Variants in SGSM2 observed in about 807,000 individuals in gnomAD.
SGSM2 encodes the protein RUN and TBC1 domain containing 1.
In SGSM2, 89 loss-of-function variants were observed where a neutral mutation model predicts 126.6. The ratio of observed to expected loss-of-function variants is 0.70; its 90% CI spans 0.59 to 0.84. The LOEUF (loss-of-function observed/expected upper bound fraction) is 0.84, where lower values mean the gene tolerates loss of function less well. Ranked by LOEUF, SGSM2 falls within the 40% of genes least tolerant of loss-of-function variation. SGSM2 has a pLI of 0.00. For missense variants in SGSM2, 1,404 were observed against 1,416.6 expected (o/e 0.99, Z 0.14); for synonymous variants, 614 against 574.3 (o/e 1.07, Z -0.99).
chr17:2,377,022 G>C lies in SGSM2; in HGVS notation c.2756G>C (p.Gly919Ala), dbSNP rs2066197659. 6.2e-7 allele frequency: 1 copy of C among 1,613,826 alleles called. No individual in the cohort carries two copies. The highest frequency in any genetic ancestry group is 8.5e-7 in the Non-Finnish European group (1 of 1,179,936). Residue 919 changes from glycine (G) to alanine (A), a missense_variant, in exon 21 of 24, where the codon GGG becomes GCG. Transcript: ENST00000268989. ...MKRMSQNFPN[G>A]GAMDTHFANM... ...AGGATGAGCCAGAACTTCCCCAACG[G>C]GGGTGCCATGGACACCCACTTTGCC...
rs1299156831 is a variant in SGSM2, at chr17:2,380,710, C to T, written c.*1190C>T. The T allele has an allele frequency of 7.8e-6, 2 of 257,340 alleles. No individual in the cohort carries two copies. The highest frequency in any genetic ancestry group is 4.7e-5 in the South Asian group (1 of 21,388). 15.9% of individuals were successfully genotyped at this position (257,340 alleles called of 1,614,324 possible). The stretch of plus-strand genomic sequence containing the variant: ...ATGCAGGCTAGGCCTTGCCCTGGAA[C>T]ATGGAGGCCCTGCCCGGGGCTGGGG... On this transcript the variant is annotated 3_prime_UTR_variant, in exon 24 of 24. Coordinates refer to ENST00000268989, the MANE Select transcript of SGSM2 (RefSeq NM_014853.3).
At chr17:2,351,853 T>C (rs2064868552) in intron 2 of SGSM2, among the ~76,000 whole-genome samples, 1 of 152,348 alleles carries the variant, frequency 6.6e-6, no homozygotes, top group African/African-American at 2.4e-5. Context: ...CAGTTGCGAA[T>C]GTTGCTTTCT....
At chr17:2,342,260 A>G (rs1479129690) in intron 1 of SGSM2, among the ~76,000 whole-genome samples, 1 of 148,668 alleles carries the variant, frequency 6.7e-6, no homozygotes, top group Admixed American at 6.7e-5. Context: ...TACTAAAAAT[A>G]CAAAAAAAAA....
chr17:2,364,662 A>C lies in SGSM2; in HGVS notation c.999A>C (p.Gln333His). The change falls in exon 9 of 24, where the codon CAA becomes CAC. Residue 333 changes from glutamine to histidine, a missense_variant and splice_region_variant. Coordinates refer to ENST00000268989, the MANE Select transcript of SGSM2 (RefSeq NM_014853.3). Reference protein sequence around the residue: ...SQVVCIHCHQQKSGGTLVLVS... With the variant: ...SQVVCIHCHQHKSGGTLVLVS... ...TCGTGTGCATCCACTGCCACCAGCA[A>C]AGTAAGCCTGCCTTGTCCTCGGCTC... The C allele has an allele frequency of 6.2e-7, 1 of 1,614,160 alleles. No individual in the cohort carries two copies. The highest frequency in any genetic ancestry group is 8.5e-7 in the Non-Finnish European group (1 of 1,180,016).
intron 2 of SGSM2, among the ~76,000 whole-genome samples, chr17:2,351,372 G>A (rs1458831263): frequency 2.0e-5 from 3 of 152,176 alleles, no homozygotes; most frequent in Non-Finnish European, 2.9e-5. Context: ...CTAGAGGGGC[G>A]GCGGCATTGA....
At position 2,337,973 on chromosome 17, in the gene SGSM2, C is replaced by T. The variant is rs2064158044; in HGVS notation, c.57+228C>T. 2.0e-5 allele frequency among the ~76,000 whole-genome samples: 3 copies of T among 152,134 alleles called. No homozygotes were observed. In the South Asian group the frequency reaches 6.2e-4, roughly 32 times the overall value. ...CTCCCGGCTTGTTTGCTTCGCAGCC[C>T]CGCAGCTCCCCGCCCAGTGACGGCA... On this transcript the variant is annotated intron_variant, in intron 1 of 23. Coordinates refer to ENST00000268989, the MANE Select transcript of SGSM2 (RefSeq NM_014853.3). The surrounding 1 kb of genome is among the most constrained non-coding windows in gnomAD (Gnocchi z 5.1).
intron 2 of SGSM2, among the ~76,000 whole-genome samples, chr17:2,344,505 G>A (rs2064507968): frequency 6.6e-6 from 1 of 152,164 alleles, no homozygotes; most frequent in Non-Finnish European, 1.5e-5. Flanking sequence ...AGATACAGCT[G>A]CCCTTCCCCT....
At chr17:2,342,425 GAAAC>G (rs767402968) in intron 1 of SGSM2, among the ~76,000 whole-genome samples, 10 of 151,512 alleles carry the variant, frequency 6.6e-5, no homozygotes, top group South Asian at 2.1e-4. Context: ...CTCCATTTCA[GAAAC>G]AAACAAACAA....
chr17:2,354,262 A>G (rs2064998551), intron 2 of SGSM2, among the ~76,000 whole-genome samples: 1 of 138,538 alleles, frequency 7.2e-6, no homozygotes, highest in African/African-American at 2.7e-5. Context: ...GTTACCCAGG[A>G]TAGTCTCAAT....
chr17:2,350,447 A>G (rs1327481327), intron 2 of SGSM2, among the ~76,000 whole-genome samples: 1 of 151,074 alleles, frequency 6.6e-6, no homozygotes, highest in Non-Finnish European at 1.5e-5. Context: ...CTGTCTCTAC[A>G]AAAAATACAA....
Position 2,380,298 on chromosome 17 carries a change from G to A in SGSM2, c.*778G>A. On this transcript the variant is annotated 3_prime_UTR_variant, in exon 24 of 24. Coordinates refer to ENST00000268989, the MANE Select transcript of SGSM2 (RefSeq NM_014853.3). ...CTGAAAACCACGTGTAAGAAGTGAT[G>A]CTTTTGCCAGTGGATGATCTGGAAT... 1 of 1,535,928 alleles carries A rather than the reference G, an allele frequency of 6.5e-7. No homozygotes were observed. Among genetic ancestry groups the A allele is most frequent in the Non-Finnish European group, 8.7e-7 (1 of 1,146,870 alleles).
intron 19 of SGSM2, 111 bp downstream of exon 19, chr17:2,376,372 C>G (rs923570383): frequency 1.5e-5 from 21 of 1,427,076 alleles, no homozygotes; most frequent in Non-Finnish European, 1.9e-5. Context: ...CTGAATCACA[C>G]TTGGCTCCCC....
chr17:2,369,488 C>T (rs944631243), intron 12 of SGSM2, among the ~76,000 whole-genome samples: 3 of 152,194 alleles, frequency 2.0e-5, no homozygotes, highest in Non-Finnish European at 4.4e-5. Context: ...AGCAGACCCC[C>T]CTCCCCCCGT....
intron 3 of SGSM2, 117 bp downstream of exon 3, chr17:2,361,916 C>G: frequency 7.3e-7 from 1 of 1,372,896 alleles, no homozygotes; most frequent in Non-Finnish European, 9.8e-7. Flanking sequence ...TGCAGGGCCT[C>G]TGGGTGAGGG....
intron 2 of SGSM2, among the ~76,000 whole-genome samples, chr17:2,348,632 G>A (rs1033583973): frequency 5.3e-5 from 8 of 152,314 alleles, no homozygotes; most frequent in Admixed American, 2.6e-4. Flanking sequence ...GTGTGTAGCC[G>A]TGCTTACTCA....
intron 21 of SGSM2, 151 bp from the exon 22 acceptor site, chr17:2,377,704 GGA>G (rs576324089): frequency 1.1e-4 from 64 of 557,438 alleles, no homozygotes; most frequent in African/African-American, 9.5e-4. Flanking sequence ...GATCCGAGGG[GGA>G]GAGAGTGCAC....
chr17:2,339,520 C>T (rs1016934516), intron 1 of SGSM2, among the ~76,000 whole-genome samples: 5 of 151,852 alleles, frequency 3.3e-5, no homozygotes, highest in Admixed American at 1.3e-4. Context: ...GTCAGGAGAT[C>T]GAGACCATCC....
Position 2,365,318 on chromosome 17 carries a change from A to G in SGSM2, c.1265A>G (p.Tyr422Cys). The change falls in exon 11 of 24, where the codon TAC (tyrosine) becomes TGC (cysteine). Residue 422 changes from tyrosine (Y) to cysteine (C), a missense_variant. Transcript: ENST00000268989. Reference protein sequence around the residue: ...RATDYVFRIIYPGHRHEHITI... With the variant: ...RATDYVFRIICPGHRHEHITI... The stretch of plus-strand genomic sequence containing the variant: ...ACCGACTATGTGTTCCGGATCATCT[A>G]CCCCGGCCACAGGCACGAGCACAGT... 1.3e-6 allele frequency: 2 copies of G among 1,569,676 alleles called. No homozygotes were observed. The highest frequency in any genetic ancestry group is 1.7e-6 in the Non-Finnish European group (2 of 1,156,780).
At chr17:2,377,781 G>A (rs1448776107) in intron 21 of SGSM2, 76 bp from the exon 22 acceptor site, 79 of 951,288 alleles carry the variant, frequency 8.3e-5, no homozygotes, top group Non-Finnish European at 1.1e-4. Flanking sequence ...CCCTGGGCGT[G>A]AGCGGACGGT....
Sources: gnomAD v4.1 joint callset for allele counts (sites outside exome capture counted in the v4.1 genomes callset) on GRCh38, gnomAD v4.1.1 for gene constraint, Gnocchi (gnomAD v3.1) non-coding constraint, MANE v1.5 for transcripts, NCBI Gene and HGNC (gene_info 2026-07-23, HGNC 2026-07-21) for gene names.